Variants in NALF1 observed in about 807,000 individuals in gnomAD.
NALF1 encodes family with sequence similarity 155 member A.
In NALF1, 3 loss-of-function variants were observed where a neutral mutation model predicts 48.4. That is an observed-to-expected ratio of 0.06 (90% CI 0.03 to 0.16). The LOEUF (loss-of-function observed/expected upper bound fraction) is 0.16, where lower values mean the gene tolerates loss of function less well. Among genes scored for constraint, NALF1 ranks in the 10% least tolerant of loss-of-function variants. The pLI is 1.00. For synonymous variants in NALF1, 262 were observed against 245.7 expected, an observed-to-expected ratio of 1.07 and a Z score of -0.62; for missense variants, 526 against 571.5, an observed-to-expected ratio of 0.92 and a Z score of 0.81.
At chr13:107,801,024 T>C (rs748962525) in intron 1 of NALF1, among the ~76,000 whole-genome samples, 14 of 152,296 alleles carry the variant, frequency 9.2e-5, no homozygotes, top group Non-Finnish European at 1.8e-4. Flanking sequence ...TTTATCTCAC[T>C]ACAAGTCCTA....
At chr13:107,589,952 T>A (rs982974132) in intron 1 of NALF1, among the ~76,000 whole-genome samples, 1 of 152,018 alleles carries the variant, frequency 6.6e-6, no homozygotes, top group South Asian at 2.1e-4. Context: ...TTCCACCACT[T>A]CTATTACGAA....
chr13:107,669,325 A>T (rs1206629716), intron 1 of NALF1, among the ~76,000 whole-genome samples: 1 of 152,168 alleles, frequency 6.6e-6, no homozygotes, highest in Non-Finnish European at 1.5e-5. Context: ...GTCATTGCTT[A>T]TGATTGTGCA....
At chr13:107,537,435 A>G (rs12430402) in intron 1 of NALF1, among the ~76,000 whole-genome samples, 19,070 of 152,162 alleles carry the variant, frequency 0.13, 1,497 homozygotes, top group Admixed American at 0.23. Context: ...AAGGATATGA[A>G]TGGAACTGAG....
intron 1 of NALF1, among the ~76,000 whole-genome samples, chr13:107,409,525 T>A (rs1467635709): frequency 1.3e-5 from 2 of 152,086 alleles, no homozygotes; most frequent in Non-Finnish European, 2.9e-5. Flanking sequence ...ACATTGGGGC[T>A]CAAAAATCAG....
intron 1 of NALF1, among the ~76,000 whole-genome samples, chr13:107,808,368 T>C (rs71435245): frequency 0.089 from 13,509 of 152,182 alleles, 706 homozygotes; most frequent in Middle Eastern, 0.21. Flanking sequence ...GAAAGGAATA[T>C]CTATCTTTTT....
intron 1 of NALF1, among the ~76,000 whole-genome samples, chr13:107,694,484 A>T (rs1178077112): frequency 6.6e-6 from 1 of 152,142 alleles, no homozygotes; most frequent in African/African-American, 2.4e-5. Flanking sequence ...ATTATTGAAA[A>T]ATCTGATATA....
At chr13:107,294,041 T>C (rs926662360) in intron 1 of NALF1, among the ~76,000 whole-genome samples, 1 of 152,200 alleles carries the variant, frequency 6.6e-6, no homozygotes, top group African/African-American at 2.4e-5. Flanking sequence ...TTGCTTTCCT[T>C]AACTGTGAGA....
At chr13:107,810,936 T>A (rs1878969800) in intron 1 of NALF1, among the ~76,000 whole-genome samples, 1 of 152,178 alleles carries the variant, frequency 6.6e-6, no homozygotes, top group African/African-American at 2.4e-5. Context: ...TGTACAATTC[T>A]CCACTTATAT....
chr13:107,549,888 G>T (rs899131787), intron 1 of NALF1, among the ~76,000 whole-genome samples: 2 of 151,276 alleles, frequency 1.3e-5, no homozygotes, highest in Non-Finnish European at 2.9e-5. Context: ...TTTCCAATAA[G>T]AATTGTATTT....
chr13:107,549,125 C>G (rs772181631), intron 1 of NALF1, among the ~76,000 whole-genome samples: 16 of 152,098 alleles, frequency 1.1e-4, no homozygotes, highest in Non-Finnish European at 2.4e-4. Context: ...TTGCCAATAA[C>G]AGTGATGTGG....
chr13:107,477,876 A>G (rs533692966), intron 1 of NALF1, among the ~76,000 whole-genome samples: 153 of 152,202 alleles, frequency 1.0e-3, no homozygotes, highest in African/African-American at 3.5e-3. Flanking sequence ...TCGAAAAGTA[A>G]TCATCAAAGA....
At chr13:107,387,849 C>T (rs2138980059) in intron 1 of NALF1, among the ~76,000 whole-genome samples, 1 of 152,344 alleles carries the variant, frequency 6.6e-6, no homozygotes, top group African/African-American at 2.4e-5. Flanking sequence ...GATTAAAATG[C>T]TACCCTTGAG....
At chr13:107,676,738 C>T (rs891168760) in intron 1 of NALF1, among the ~76,000 whole-genome samples, 9 of 151,962 alleles carry the variant, frequency 5.9e-5, no homozygotes, top group Non-Finnish European at 1.0e-4. Context: ...ATATACCCCA[C>T]ATTTGACATT....
chr13:107,755,127 TA>T (rs984699084), intron 1 of NALF1, among the ~76,000 whole-genome samples: 1 of 152,298 alleles, frequency 6.6e-6, no homozygotes, highest in Middle Eastern at 3.4e-3. Context: ...AAACAATTGT[TA>T]TTTTTTTTTT....
rs561969955 is a variant in NALF1, at chr13:107,205,776, T to G, written c.1087+4808A>C. 2.6e-5 allele frequency among the ~76,000 whole-genome samples: 4 copies of G among 152,296 alleles called. No homozygotes were observed. In the East Asian group the frequency reaches 5.8e-4, roughly 22 times the overall value. On this transcript the variant is annotated intron_variant, in intron 2 of 2. Coordinates refer to ENST00000375915, the MANE Select transcript of NALF1 (RefSeq NM_001080396.3). ...TAAATCATGGCTGGTCTATTTTATCTATCAATCAAATGATAATTTTCTTAA... is the reference window on the plus strand; with the variant it reads ...TAAATCATGGCTGGTCTATTTTATCGATCAATCAAATGATAATTTTCTTAA...
intron 1 of NALF1, among the ~76,000 whole-genome samples, chr13:107,534,026 A>G (rs1427228590): frequency 6.6e-6 from 1 of 152,104 alleles, no homozygotes; most frequent in African/African-American, 2.4e-5. Context: ...AGGGAGACTG[A>G]AGAGAGCAGA....
intron 1 of NALF1, among the ~76,000 whole-genome samples, chr13:107,337,577 CCACTCAA>C (rs1346241187): frequency 6.6e-6 from 1 of 152,108 alleles, no homozygotes; most frequent in African/African-American, 2.4e-5. Context: ...TGATACTTCA[CCACTCAA>C]CACTCATGTC....
At chr13:107,353,410 C>T (rs563539241) in intron 1 of NALF1, among the ~76,000 whole-genome samples, 36 of 152,254 alleles carry the variant, frequency 2.4e-4, no homozygotes, top group South Asian at 1.2e-3. Context: ...CCACTGCAGA[C>T]GGAAATTTTC....
chr13:107,480,200 C>T (rs1192082143), intron 1 of NALF1, among the ~76,000 whole-genome samples: 2 of 152,136 alleles, frequency 1.3e-5, no homozygotes, highest in East Asian at 3.9e-4. Context: ...ATAGTTGAGG[C>T]CAGATGAGGG....
Sources: allele counts gnomAD v4.1 joint callset (sites outside exome capture counted in the v4.1 genomes callset), GRCh38; gene constraint gnomAD v4.1.1; transcripts MANE v1.5; gene names NCBI Gene and HGNC (gene_info 2026-07-23, HGNC 2026-07-21).